LIN7A: variants seen among roughly 807,000 people sequenced by gnomAD.
The protein encoded by LIN7A is lin-7 cell polarity scaffold A.
A neutral mutation model predicts 29.8 loss-of-function variants in LIN7A; 25 were observed. The observed-to-expected ratio is 0.84, with a 90% CI of 0.61 to 1.17. The LOEUF (loss-of-function observed/expected upper bound fraction) is 1.17, where lower values mean the gene tolerates loss of function less well. Ranked by LOEUF, LIN7A falls within the 50% of genes most tolerant of loss-of-function variation. The probability of loss-of-function intolerance (pLI) is 0.00; values close to 1 mark genes in which losing one functional copy is unlikely to be tolerated. For synonymous variants in LIN7A, 118 were observed against 107.5 expected (o/e 1.10, Z -0.60); for missense variants, 239 against 287.0 (o/e 0.83, Z 1.21).
intron 1 of LIN7A, among the ~76,000 whole-genome samples, chr12:80,913,444 T>C (rs1409230730): frequency 6.6e-6 from 1 of 152,050 alleles, no homozygotes; most frequent in East Asian, 1.9e-4. Flanking sequence ...GTTTACAAGG[T>C]GTAGAAAAAA....
At chr12:80,867,798 T>C (rs986588202) in intron 2 of LIN7A, among the ~76,000 whole-genome samples, 1 of 152,214 alleles carries the variant, frequency 6.6e-6, no homozygotes, top group Non-Finnish European at 1.5e-5. Flanking sequence ...TTAAATTTAT[T>C]GTGGTAAGAG....
intron 2 of LIN7A, among the ~76,000 whole-genome samples, chr12:80,883,453 T>G (rs1454966230): frequency 6.6e-6 from 1 of 152,218 alleles, no homozygotes; most frequent in Non-Finnish European, 1.5e-5. Context: ...TCAATTTATT[T>G]TAATTATTGA....
chr12:80,910,067 C>A (rs1335028628), intron 1 of LIN7A, among the ~76,000 whole-genome samples: 1 of 152,108 alleles, frequency 6.6e-6, no homozygotes, highest in African/African-American at 2.4e-5. Context: ...TTTCTGTCAA[C>A]AATGTTTTGT....
chr12:80,850,439 G>T (rs1430700585), intron 2 of LIN7A, among the ~76,000 whole-genome samples: 1 of 152,102 alleles, frequency 6.6e-6, no homozygotes, highest in Non-Finnish European at 1.5e-5. Flanking sequence ...TTTGACCATG[G>T]ATCTTTTGGG....
At chr12:80,905,098 T>A (rs778347905) in intron 1 of LIN7A, among the ~76,000 whole-genome samples, 1 of 152,144 alleles carries the variant, frequency 6.6e-6, no homozygotes, top group Non-Finnish European at 1.5e-5. Flanking sequence ...TCCAATCTAG[T>A]GACATCTCAT....
chr12:80,909,697 C>T (rs1260012704), intron 1 of LIN7A, among the ~76,000 whole-genome samples: 2 of 152,130 alleles, frequency 1.3e-5, no homozygotes, highest in African/African-American at 4.8e-5. Context: ...GGCCCCACCT[C>T]CTAATAGTAC....
rs1565886088 is a variant in LIN7A, at chr12:80,811,608, G to A, written c.559C>T (p.Arg187Ter). 2.5e-6 allele frequency: 4 copies of A among 1,613,960 alleles called. No homozygotes were observed. Among genetic ancestry groups the A allele is most frequent in the South Asian group, 1.1e-5 (1 of 91,074 alleles). ...AAKDSVKLVV[R>*]YTPKVLEEME... The stretch of plus-strand genomic sequence containing the variant: ...TCTTCCAGAACTTTTGGGGTGTATC[G>A]CACCACCAGCTTGACGCTGTCTTTA... The change falls in exon 5 of 6, where the codon CGA becomes TGA. Residue 187 changes from arginine (R) to a stop codon, truncating the protein, a stop_gained. Coordinates refer to ENST00000552864, the MANE Select transcript of LIN7A (RefSeq NM_004664.4). LOFTEE classifies it high-confidence loss of function.
intron 1 of LIN7A, among the ~76,000 whole-genome samples, chr12:80,895,403 C>T (rs905252270): frequency 1.1e-4 from 16 of 152,172 alleles, no homozygotes; most frequent in African/African-American, 3.9e-4. Flanking sequence ...ACTCGATTGA[C>T]ATTTAGACTG....
At chr12:80,840,446 T>C (rs945567940) in intron 4 of LIN7A, among the ~76,000 whole-genome samples, 10 of 152,172 alleles carry the variant, frequency 6.6e-5, no homozygotes, top group Non-Finnish European at 1.2e-4. Context: ...CATGTGTGCT[T>C]TTGTGTGTAT....
chr12:80,855,898 A>G (rs1428703639), intron 2 of LIN7A, among the ~76,000 whole-genome samples: 1 of 152,158 alleles, frequency 6.6e-6, no homozygotes, highest in Non-Finnish European at 1.5e-5. Context: ...ATTGTCTTTT[A>G]TCCTTTCATT....
intron 2 of LIN7A, among the ~76,000 whole-genome samples, chr12:80,869,953 G>A (rs1874345618): frequency 6.6e-6 from 1 of 152,082 alleles, no homozygotes; most frequent in African/African-American, 2.4e-5. Flanking sequence ...TGGAGATCAT[G>A]GAGAGAAAGC....
At position 80,845,795 on chromosome 12, in the gene LIN7A, C is replaced by G; in HGVS notation, c.418G>C (p.Gly140Arg). Residue 140 changes from glycine to arginine, a missense_variant, in exon 4 of 6, where the codon GGA (glycine) becomes CGA (arginine). By Grantham distance (125) the Gly-to-Arg change is moderately radical. Coordinates refer to ENST00000552864, the MANE Select transcript of LIN7A (RefSeq NM_004664.4). ...CCTCCGTGTCTTTCAGCCACCCCTC[C>G]AGGAATTATGCGAGAGATATAAATG... ...SPIYISRIIP[G>R]GVAERHGGLK... The G allele has an allele frequency of 1.9e-6, 3 of 1,613,930 alleles. No individual in the cohort carries two copies. Among genetic ancestry groups the G allele is most frequent in the Non-Finnish European group, 2.5e-6 (3 of 1,179,950 alleles).
At chr12:80,931,018 C>T (rs1469339347) in intron 1 of LIN7A, among the ~76,000 whole-genome samples, 1 of 152,182 alleles carries the variant, frequency 6.6e-6, no homozygotes, top group East Asian at 1.9e-4. Context: ...TCCTAACAGG[C>T]AAATGTCATG....
intron 1 of LIN7A, among the ~76,000 whole-genome samples, chr12:80,930,806 T>A (rs531393932): frequency 6.6e-6 from 1 of 152,340 alleles, no homozygotes; most frequent in South Asian, 2.1e-4. Context: ...TTTTCATTAT[T>A]TTAGGTTAGA....
intron 1 of LIN7A, among the ~76,000 whole-genome samples, chr12:80,909,994 A>G (rs1417797260): frequency 6.6e-6 from 1 of 152,166 alleles, no homozygotes; most frequent in Non-Finnish European, 1.5e-5. Flanking sequence ...TGACATCTCT[A>G]CAATATTCAG....
chr12:80,868,426 G>A (rs1874250252), intron 2 of LIN7A, among the ~76,000 whole-genome samples: 1 of 152,178 alleles, frequency 6.6e-6, no homozygotes, highest in South Asian at 2.1e-4. Flanking sequence ...AAATTTGCTA[G>A]GTGTGATGGC....
At chr12:80,828,598 C>T (rs971772098) in intron 4 of LIN7A, among the ~76,000 whole-genome samples, 1 of 152,052 alleles carries the variant, frequency 6.6e-6, no homozygotes, top group Non-Finnish European at 1.5e-5. Flanking sequence ...AGTGACTTCT[C>T]ATAACAACAC....
intron 4 of LIN7A, among the ~76,000 whole-genome samples, chr12:80,827,920 T>A (rs1432635999): frequency 6.6e-6 from 1 of 151,892 alleles, no homozygotes; most frequent in Non-Finnish European, 1.5e-5. Context: ...ATTCTGGACG[T>A]TTTTTTTGTT....
At chr12:80,933,740 C>T (rs964488558) in intron 1 of LIN7A, among the ~76,000 whole-genome samples, 2 of 152,144 alleles carry the variant, frequency 1.3e-5, no homozygotes, top group Non-Finnish European at 2.9e-5. Flanking sequence ...GTATCTGCAA[C>T]TTTGCCTCCT....
Sources: allele counts gnomAD v4.1 joint callset (sites outside exome capture counted in the v4.1 genomes callset), GRCh38; gene constraint gnomAD v4.1.1; transcripts MANE v1.5; gene names NCBI Gene and HGNC (gene_info 2026-07-23, HGNC 2026-07-21).